Variants in PPP1R12A observed in about 807,000 individuals in gnomAD.
The protein encoded by PPP1R12A is myosin binding subunit.
A neutral mutation model predicts 139.6 loss-of-function variants in PPP1R12A; 19 were observed. That is an observed-to-expected ratio of 0.14 (90% CI 0.09 to 0.20). The LOEUF is 0.20. Among genes scored for constraint, PPP1R12A ranks in the 10% least tolerant of loss-of-function variants. The pLI is 1.00. For missense variants in PPP1R12A, 925 were observed against 1,211.5 expected (o/e 0.76, Z 3.51); for synonymous variants, 427 against 420.6 (o/e 1.02, Z -0.19).
intron 4 of PPP1R12A, among the ~76,000 whole-genome samples, chr12:79,831,878 G>A (rs1370346558): frequency 6.6e-6 from 1 of 152,116 alleles, no homozygotes; most frequent in Non-Finnish European, 1.5e-5. Context: ...ATAGTACTAA[G>A]TTCCAGTGTT....
chr12:79,844,410 C>CA (rs1181913162), intron 3 of PPP1R12A, among the ~76,000 whole-genome samples: 2 of 152,126 alleles, frequency 1.3e-5, no homozygotes, highest in African/African-American at 4.8e-5. Context: ...TTGTTCAAAC[C>CA]AAAAATCTTA....
chr12:79,808,963 C>T (rs1874192252), intron 10 of PPP1R12A, among the ~76,000 whole-genome samples: 1 of 152,052 alleles, frequency 6.6e-6, no homozygotes, highest in East Asian at 1.9e-4. Context: ...ATTATATAAG[C>T]TATTTAGAAC....
intron 1 of PPP1R12A, among the ~76,000 whole-genome samples, chr12:79,888,874 G>A (rs1884345058): frequency 1.3e-5 from 2 of 152,090 alleles, no homozygotes; most frequent in African/African-American, 4.8e-5. Context: ...GCAGCAAAAG[G>A]TAAAATAACA....
intron 22 of PPP1R12A, among the ~76,000 whole-genome samples, chr12:79,785,455 T>TCTAAAAAAACAACAACA (rs1870994348): frequency 6.6e-6 from 1 of 152,156 alleles, no homozygotes; most frequent in Admixed American, 6.5e-5. Flanking sequence ...TTTTTAGAAT[T>TCTAAAAAAACAACAACA]AATTTTTAAA....
intron 9 of PPP1R12A, among the ~76,000 whole-genome samples, chr12:79,816,892 T>TA (rs1942929136): frequency 6.6e-6 from 1 of 152,184 alleles, no homozygotes; most frequent in Non-Finnish European, 1.5e-5. Flanking sequence ...CCTACTGACA[T>TA]ACCAAAGTTG....
chr12:79,891,263 AAAT>A, intron 1 of PPP1R12A, among the ~76,000 whole-genome samples: 1 of 152,206 alleles, frequency 6.6e-6, no homozygotes, highest in East Asian at 1.9e-4. Flanking sequence ...TATCTTAACT[AAAT>A]AATATTTTCC....
chr12:79,813,814 C>T (rs1301772408), intron 9 of PPP1R12A, among the ~76,000 whole-genome samples: 1 of 152,106 alleles, frequency 6.6e-6, no homozygotes, highest in African/African-American at 2.4e-5. Flanking sequence ...ATAGTTACCC[C>T]AAGTTATTAA....
intron 2 of PPP1R12A, among the ~76,000 whole-genome samples, chr12:79,852,910 A>C (rs924731762): frequency 4.6e-5 from 7 of 152,224 alleles, no homozygotes; most frequent in African/African-American, 1.7e-4. Context: ...TTAGCAGGGA[A>C]GGACAGAAGC....
intron 23 of PPP1R12A, 143 bp downstream of exon 23, chr12:79,781,671 GT>G: frequency 2.1e-6 from 1 of 465,496 alleles, no homozygotes; most frequent in Non-Finnish European, 3.9e-6. Flanking sequence ...CTATAAAGAA[GT>G]TGCTGCAAAA....
chr12:79,822,811 A>ATTTTTTT (rs34115550), intron 5 of PPP1R12A, among the ~76,000 whole-genome samples: 1 of 129,904 alleles, frequency 7.7e-6, no homozygotes. Flanking sequence ...GGACATCTGC[A>ATTTTTTT]TTTTTTTTTT....
chr12:79,795,309 A>G (rs1592624714), intron 18 of PPP1R12A, among the ~76,000 whole-genome samples: 1 of 152,120 alleles, frequency 6.6e-6, no homozygotes, highest in African/African-American at 2.4e-5. Flanking sequence ...AAATGAAATT[A>G]AATAGACTCC....
chr12:79,809,720 A>T (rs1874296407), intron 10 of PPP1R12A, 75 bp downstream of exon 10: 1 of 1,198,714 alleles, frequency 8.3e-7, no homozygotes, highest in Admixed American at 2.3e-5. Context: ...ACTAGCAGAA[A>T]ATCTACCAGA....
At chr12:79,849,754 T>C (rs1188161150) in intron 2 of PPP1R12A, among the ~76,000 whole-genome samples, 1 of 152,186 alleles carries the variant, frequency 6.6e-6, no homozygotes, top group African/African-American at 2.4e-5. Context: ...TAACAATACT[T>C]AGTAATTTCC....
intron 14 of PPP1R12A, among the ~76,000 whole-genome samples, chr12:79,801,409 A>T (rs2137043392): frequency 6.9e-6 from 1 of 144,396 alleles, no homozygotes; most frequent in East Asian, 2.1e-4. Flanking sequence ...GTTAGCTTTA[A>T]CATTCTTCTC....
At position 79,785,612 on chromosome 12, in the gene PPP1R12A, G is replaced by T. The variant is rs186420130; in HGVS notation, c.2907+762C>A. On this transcript the variant is annotated intron_variant, in intron 22 of 24. Transcript: ENST00000450142. The stretch of plus-strand genomic sequence containing the variant: ...ATACGTTTATGCTAGAAAGTCCCAG[G>T]TTAAAATTGAACACATTTGTTTTCT... Among the ~76,000 whole-genome samples the T allele has an allele frequency of 2.3e-3, 355 of 152,212 alleles. 4 individuals are homozygous for T. Among genetic ancestry groups the T allele is most frequent in the South Asian group, 0.021 (99 of 4,818 alleles).
chr12:79,910,663 T>A lies in PPP1R12A; in HGVS notation c.237+24032A>T, dbSNP rs565563053. The stretch of plus-strand genomic sequence containing the variant: ...AGTTAATGCATTATTCGAACATGCA[T>A]GTATATATGTAAACAAACACACATA... On this transcript the variant is annotated intron_variant, in intron 1 of 24. Transcript: ENST00000450142. Among the ~76,000 whole-genome samples the A allele has an allele frequency of 4.7e-4, 71 of 152,318 alleles. 1 individual carries two copies. Among genetic ancestry groups the A allele is most frequent in the Admixed American group, 3.3e-3 (50 of 15,302 alleles).
At chr12:79,858,977 A>G (rs1344145750) in intron 2 of PPP1R12A, among the ~76,000 whole-genome samples, 1 of 152,142 alleles carries the variant, frequency 6.6e-6, no homozygotes, top group Non-Finnish European at 1.5e-5. Flanking sequence ...TTATGGCTAC[A>G]ACGCAAAATA....
chr12:79,864,845 A>G (rs1384960268), intron 2 of PPP1R12A, among the ~76,000 whole-genome samples: 1 of 152,190 alleles, frequency 6.6e-6, no homozygotes, highest in Non-Finnish European at 1.5e-5. Flanking sequence ...CAACCAAAAA[A>G]AGTCCAGGAC....
intron 1 of PPP1R12A, among the ~76,000 whole-genome samples, chr12:79,880,361 A>G (rs1389714685): frequency 6.6e-6 from 1 of 152,208 alleles, no homozygotes; most frequent in Non-Finnish European, 1.5e-5. Context: ...GAGCACAGAC[A>G]CTGCTGATTT....
Sources: gnomAD v4.1 joint callset for allele counts (sites outside exome capture counted in the v4.1 genomes callset) on GRCh38, gnomAD v4.1.1 for gene constraint, MANE v1.5 for transcripts, NCBI Gene and HGNC (gene_info 2026-07-23, HGNC 2026-07-21) for gene names.